TTC28: variants seen among roughly 807,000 people sequenced by gnomAD.
TTC28 encodes the protein tetratricopeptide repeat domain 28, also known as tetratricopeptide repeat protein 28.
Under a neutral mutation model 198.0 loss-of-function variants are expected in TTC28, and 61 were observed. The ratio of observed to expected loss-of-function variants is 0.31; its 90% CI spans 0.25 to 0.38. TTC28 has a LOEUF of 0.38. Ranked by LOEUF, TTC28 falls within the 10% of genes least tolerant of loss-of-function variation. TTC28 has a pLI of 1.00. For synonymous variants in TTC28, 1,171 were observed against 1,297.8 expected (o/e 0.90, Z 2.10); for missense variants, 2,678 against 3,164.0 (o/e 0.85, Z 3.69).
At chr22:28,137,137 T>TATA (rs1569157681) in intron 6 of TTC28, among the ~76,000 whole-genome samples, 1 of 152,184 alleles carries the variant, frequency 6.6e-6, no homozygotes, top group Non-Finnish European at 1.5e-5. Flanking sequence ...TGGAGTCTTG[T>TATA]ATAAGTTCTT....
chr22:28,415,910 T>A (rs2047161485), intron 2 of TTC28, among the ~76,000 whole-genome samples: 1 of 152,214 alleles, frequency 6.6e-6, no homozygotes, highest in Non-Finnish European at 1.5e-5. Context: ...ATAAAATTTT[T>A]AAAATACTAA....
chr22:27,998,932 G>T lies in TTC28; in HGVS notation c.4727C>A (p.Pro1576His). The T allele has an allele frequency of 6.4e-7, 1 of 1,550,828 alleles. No homozygotes were observed. The highest frequency in any genetic ancestry group is 8.7e-7 in the Non-Finnish European group (1 of 1,147,002). Residue 1576 changes from proline to histidine, a missense_variant, in exon 16 of 23, where the codon CCC (proline) becomes CAC (histidine). Transcript: ENST00000397906. Reference protein sequence around the residue: ...PASSKSSFGHPYTIPESLRVQ... With the variant: ...PASSKSSFGHHYTIPESLRVQ... Reference sequence around the variant, plus strand: ...CCGCAAGGACTCAGGGATCGTGTAGGGGTGGCCGAAGGAGCTCTTGCTGCT... The same window carrying T: ...CCGCAAGGACTCAGGGATCGTGTAGTGGTGGCCGAAGGAGCTCTTGCTGCT...
At position 28,101,269 on chromosome 22, in the gene TTC28, CT is replaced by C; in HGVS notation, c.3318del (p.Ala1107LeufsTer50). 1 of 1,551,622 alleles carries C rather than the reference CT, an allele frequency of 6.4e-7. No individual in the cohort carries two copies. The highest frequency in any genetic ancestry group is 8.7e-7 in the Non-Finnish European group (1 of 1,146,890). On this transcript the variant is annotated frameshift_variant, in exon 9 of 23. Coordinates refer to ENST00000397906, the MANE Select transcript of TTC28 (RefSeq NM_001145418.2). LOFTEE classifies it high-confidence loss of function. The stretch of plus-strand genomic sequence containing the variant: ...TCTTCTCTTCGGCCCAGTTGCTCAG[CT>C]AACCTTAAACCTGAAACCAGATAGA... ...AVMYLQEGLR[L>X]AEQLGRREDE... is the part of the protein sequence containing the mutation.
At chr22:28,165,792 A>G (rs1020242085) in intron 5 of TTC28, among the ~76,000 whole-genome samples, 1 of 152,386 alleles carries the variant, frequency 6.6e-6, no homozygotes, top group Admixed American at 6.5e-5. Context: ...ATAACCAGCT[A>G]GCATCATAAT....
At chr22:28,644,355 C>T (rs1165095546) in intron 1 of TTC28, among the ~76,000 whole-genome samples, 1 of 149,218 alleles carries the variant, frequency 6.7e-6, no homozygotes, top group East Asian at 2.0e-4. Context: ...GCCAAAATCG[C>T]ACCACTGCAC....
chr22:28,614,044 C>T (rs1168793583), intron 2 of TTC28, among the ~76,000 whole-genome samples: 2 of 152,086 alleles, frequency 1.3e-5, no homozygotes, highest in African/African-American at 2.4e-5. Flanking sequence ...TTTAGAAAAC[C>T]CCATCATCTT....
chr22:27,982,642 A>G lies in TTC28; in HGVS notation c.7025T>C (p.Ile2342Thr), dbSNP rs201481979. 5 of 1,551,594 alleles carry G rather than the reference A, an allele frequency of 3.2e-6. No homozygotes were observed. Among genetic ancestry groups the G allele is most frequent in the Admixed American group, 2.0e-5 (1 of 50,986 alleles). Residue 2342 changes from isoleucine (I) to threonine (T), a missense_variant, in exon 23 of 23, where the codon ATA becomes ACA. Coordinates refer to ENST00000397906, the MANE Select transcript of TTC28 (RefSeq NM_001145418.2). The surrounding 1 kb of genome is among the most constrained non-coding windows in gnomAD (Gnocchi z 5.2). ...AATGGCTGCCATTTTCAGTTTGTCT[A>G]TGTCGGGAGCGTCTGCTGGACTTGA... The part of the protein sequence containing the change: ...ARSSPADAPD[I>T]DKLKMAAIDE...
At chr22:28,452,869 C>G (rs555996507) in intron 2 of TTC28, among the ~76,000 whole-genome samples, 1 of 152,276 alleles carries the variant, frequency 6.6e-6, no homozygotes, top group South Asian at 2.1e-4. Context: ...GACACAATAC[C>G]TAGCCCCAGT....
chr22:27,996,105 C>T (rs1937546636), intron 17 of TTC28, 30 bp downstream of exon 17: 7 of 1,536,846 alleles, frequency 4.6e-6, no homozygotes, highest in African/African-American at 1.4e-5. Context: ...TGCCAGCTCT[C>T]GTTGAGTGCA....
intron 13 of TTC28, among the ~76,000 whole-genome samples, chr22:28,018,304 C>CG (rs1204682882): frequency 4.3e-4 from 4 of 9,250 alleles, no homozygotes; most frequent in Admixed American, 1.6e-3. Flanking sequence ...TGTGTGCGCG[C>CG]GCGGGGGGGG....
chr22:28,032,236 A>C (rs1205005177), intron 12 of TTC28, among the ~76,000 whole-genome samples: 1 of 107,446 alleles, frequency 9.3e-6, no homozygotes, highest in Non-Finnish European at 1.8e-5. Flanking sequence ...TATATATAAA[A>C]TATATATATA....
intron 2 of TTC28, among the ~76,000 whole-genome samples, chr22:28,550,490 T>C (rs542750615): frequency 1.6e-4 from 24 of 152,186 alleles, no homozygotes; most frequent in Non-Finnish European, 3.1e-4. Context: ...ATACTATCCC[T>C]GTAACCATCA....
intron 6 of TTC28, among the ~76,000 whole-genome samples, chr22:28,156,935 G>GA (rs1340129343): frequency 6.6e-6 from 1 of 151,756 alleles, no homozygotes. Flanking sequence ...ATCAGTAGAG[G>GA]AAAAAAATTA....
rs117647133 is a variant in TTC28 at position 28,430,345 on chromosome 22, T to C, written c.382-123702A>G. On this transcript the variant is annotated intron_variant, in intron 2 of 22. Coordinates refer to ENST00000397906, the MANE Select transcript of TTC28 (RefSeq NM_001145418.2). ...ATATCATTCCCTTCAAAGACTTTATTTGGAAATACAGGAGAGATTGTTGCT... is the reference window on the plus strand; with the variant it reads ...ATATCATTCCCTTCAAAGACTTTATCTGGAAATACAGGAGAGATTGTTGCT... Among the ~76,000 whole-genome samples, 1,245 of 152,242 alleles carry C rather than the reference T, an allele frequency of 8.2e-3. 12 individuals carry two copies. Among genetic ancestry groups the C allele is most frequent in the Middle Eastern group, 0.01 (3 of 294 alleles).
At chr22:28,628,750 G>A (rs545039212) in intron 2 of TTC28, among the ~76,000 whole-genome samples, 2 of 151,956 alleles carry the variant, frequency 1.3e-5, no homozygotes, top group African/African-American at 4.8e-5. Context: ...GACCAGCCTG[G>A]GCAACATGGT....
chr22:28,371,649 C>T (rs9306455), intron 2 of TTC28, among the ~76,000 whole-genome samples: 24,250 of 101,106 alleles, frequency 0.24, 3,842 homozygotes, highest in Middle Eastern at 0.44. Context: ...GGCCACTGAT[C>T]TCAGCTCACT....
chr22:28,252,387 G>A (rs1283278140), intron 5 of TTC28, among the ~76,000 whole-genome samples: 3 of 152,220 alleles, frequency 2.0e-5, no homozygotes, highest in African/African-American at 4.8e-5. Context: ...GAAAGGAGGG[G>A]AAGAGGTAGA....
intron 7 of TTC28, 66 bp downstream of exon 7, chr22:28,106,996 G>A: frequency 6.8e-7 from 1 of 1,480,628 alleles, no homozygotes; most frequent in East Asian, 2.5e-5. Context: ...ACACGAAGTT[G>A]CCTTTACTGC....
At chr22:28,419,495 C>A (rs753544284) in intron 2 of TTC28, among the ~76,000 whole-genome samples, 47 of 152,274 alleles carry the variant, frequency 3.1e-4, no homozygotes, top group African/African-American at 9.6e-4. Context: ...TTCATTCATA[C>A]TTGTTTAATT....
Sources: allele counts gnomAD v4.1 joint callset (sites outside exome capture counted in the v4.1 genomes callset), GRCh38; gene constraint gnomAD v4.1.1; non-coding constraint Gnocchi (gnomAD v3.1); transcripts MANE v1.5; gene names NCBI Gene and HGNC (gene_info 2026-07-23, HGNC 2026-07-21).